The following GALNT14 variants were observed in gnomAD, a reference collection of about 807,000 sequenced individuals.
The protein encoded by GALNT14 is UDP-GalNAc:polypeptide N-acetylgalactosaminyltransferase 14.
In GALNT14, 60 loss-of-function variants were observed where a neutral mutation model predicts 77.5. The observed-to-expected ratio is 0.77, with a 90% CI of 0.63 to 0.96. The LOEUF is 0.96. Ranked by LOEUF, GALNT14 falls within the 40% of genes least tolerant of loss-of-function variation. The pLI, the probability that GALNT14 is intolerant of heterozygous loss-of-function variation, is 0.00. For synonymous variants in GALNT14, 280 were observed against 281.7 expected (o/e 0.99, Z 0.06); for missense variants, 710 against 731.0 (o/e 0.97, Z 0.33).
intron 1 of GALNT14, among the ~76,000 whole-genome samples, chr2:31,080,434 G>C (rs1253689274): frequency 1.3e-5 from 2 of 152,308 alleles, no homozygotes; most frequent in Admixed American, 1.3e-4. Flanking sequence ...TAACATCCCT[G>C]CTAGAACTAA....
In GALNT14 at chr2:30,924,257, G is replaced by A. The variant is rs777710867; in HGVS notation, c.1242C>T (p.Pro414=). 2.5e-5 allele frequency: 41 copies of A among 1,613,996 alleles called. No individual in the cohort carries two copies. Among genetic ancestry groups the A allele is most frequent in the Non-Finnish European group, 3.3e-5 (39 of 1,179,970 alleles). The change falls in exon 13 of 15, where the codon CCC becomes CCT. Residue 414 remains proline, a synonymous_variant. Coordinates refer to ENST00000349752, the MANE Select transcript of GALNT14 (RefSeq NM_024572.4). ...TGCCCTTCTGGATGGAGGACTCCTT[G>A]GGGATGCTGGAGGAGAGTCACAGGG... is the stretch of plus-strand genomic sequence containing the variant. ...LENIYPELSI[P]KESSIQKGNI...
At chr2:30,952,433 A>T (rs1201222729) in intron 6 of GALNT14, among the ~76,000 whole-genome samples, 1 of 151,660 alleles carries the variant, frequency 6.6e-6, no homozygotes, top group Non-Finnish European at 1.5e-5. Context: ...TGCAGCCATA[A>T]AAAATGATGA....
chr2:30,910,775 G>C lies in GALNT14; in HGVS notation c.*126C>G. ...GAGACAGTTGCTCCTGTCCTGGGGG[G>C]CTCTGCCTCCACCTCCCAGTCCAGG... On this transcript the variant is annotated 3_prime_UTR_variant, in exon 15 of 15. Transcript: ENST00000349752. 1.0e-6 allele frequency: 1 copy of C among 985,926 alleles called. No homozygotes were observed. Among genetic ancestry groups the C allele is most frequent in the Non-Finnish European group, 1.5e-6 (1 of 673,072 alleles). 61.1% of individuals were successfully genotyped at this position (985,926 alleles called of 1,614,324 possible). A position where few individuals can be genotyped will look rare whatever the true frequency, so the allele number is the denominator to read the frequency against.
chr2:31,108,633 C>T lies in GALNT14; in HGVS notation c.129+29325G>A, dbSNP rs549583978. ...TTTTCCAAAAGAATGAGGATAAAAA[C>T]AATCCTTTGATAAAATAATCCTTTG... On this transcript the variant is annotated intron_variant, in intron 1 of 14. Coordinates refer to ENST00000349752, the MANE Select transcript of GALNT14 (RefSeq NM_024572.4). 3.3e-5 allele frequency among the ~76,000 whole-genome samples: 5 copies of T among 152,342 alleles called. No individual in the cohort carries two copies. In the East Asian group the frequency reaches 9.6e-4, roughly 29 times the overall value.
chr2:31,076,825 A>G (rs897632299), intron 1 of GALNT14, among the ~76,000 whole-genome samples: 1 of 152,130 alleles, frequency 6.6e-6, no homozygotes, highest in Non-Finnish European at 1.5e-5. Context: ...CTGCTCTTGG[A>G]CAACAGGTGT....
intron 1 of GALNT14, among the ~76,000 whole-genome samples, chr2:31,085,539 C>T (rs971244155): frequency 6.6e-6 from 1 of 152,226 alleles, no homozygotes; most frequent in Admixed American, 6.5e-5. Context: ...CTGGCCTGGG[C>T]ACTGATGTGC....
intron 2 of GALNT14, among the ~76,000 whole-genome samples, chr2:30,979,914 C>T (rs769138246): frequency 1.2e-4 from 18 of 152,220 alleles, no homozygotes; most frequent in African/African-American, 3.6e-4. Context: ...TGCTGGCCCC[C>T]GGCTCTAAAT....
intron 1 of GALNT14, among the ~76,000 whole-genome samples, chr2:31,019,034 G>A (rs756239769): frequency 4.6e-5 from 7 of 150,908 alleles, no homozygotes; most frequent in Non-Finnish European, 8.9e-5. Flanking sequence ...GTGCTTTATT[G>A]GGCACCATCT....
At chr2:31,018,225 C>G (rs1671500541) in intron 1 of GALNT14, among the ~76,000 whole-genome samples, 1 of 152,282 alleles carries the variant, frequency 6.6e-6, no homozygotes, top group Non-Finnish European at 1.5e-5. Context: ...AAAGAGCCAG[C>G]TCCGAAGGAC....
intron 4 of GALNT14, among the ~76,000 whole-genome samples, chr2:30,956,545 C>T (rs1294665648): frequency 1.3e-5 from 2 of 152,180 alleles, no homozygotes; most frequent in Admixed American, 6.5e-5. Context: ...ATCTCGCTGT[C>T]GCCCAGGTTG....
intron 2 of GALNT14, among the ~76,000 whole-genome samples, chr2:30,990,413 A>C (rs552872500): frequency 9.8e-5 from 15 of 152,374 alleles, no homozygotes; most frequent in African/African-American, 3.6e-4. Flanking sequence ...TCACAGAAGG[A>C]TTAAGAGACA....
intron 4 of GALNT14, among the ~76,000 whole-genome samples, chr2:30,956,941 C>G (rs1156666881): frequency 2.6e-5 from 4 of 152,172 alleles, no homozygotes; most frequent in Admixed American, 2.6e-4. Context: ...TGGAAGGGTC[C>G]CACTCAGCAT....
At chr2:30,897,496 A>G in the GALNT14 span, among the ~76,000 whole-genome samples, 1 of 152,208 alleles carries the variant, frequency 6.6e-6, no homozygotes, top group African/African-American at 2.4e-5. Context: ...TCAGACCAGA[A>G]GTTTCTAACT....
intron 1 of GALNT14, among the ~76,000 whole-genome samples, chr2:31,014,142 C>T (rs1261939040): frequency 6.6e-6 from 1 of 152,180 alleles, no homozygotes. Flanking sequence ...GCCTATTTCA[C>T]AGGGTTTTAA....
intron 1 of GALNT14, among the ~76,000 whole-genome samples, chr2:31,091,994 C>A (rs1254378700): frequency 6.6e-6 from 1 of 152,138 alleles, no homozygotes; most frequent in Non-Finnish European, 1.5e-5. Context: ...CATGAGTCTT[C>A]CACCCTTCAT....
intron 1 of GALNT14, chr2:31,125,244 A>T: frequency 6.4e-7 from 1 of 1,550,468 alleles, no homozygotes; most frequent in Non-Finnish European, 8.7e-7. Context: ...TTGAAAAACA[A>T]GGACCAAACC....
At chr2:30,984,919 G>A (rs972204885) in intron 2 of GALNT14, among the ~76,000 whole-genome samples, 12 of 152,066 alleles carry the variant, frequency 7.9e-5, no homozygotes, top group Non-Finnish European at 1.0e-4. Context: ...GGAGCTGGGT[G>A]CCTGAACACT....
chr2:31,045,574 T>C (rs900805589), intron 1 of GALNT14, among the ~76,000 whole-genome samples: 10 of 152,192 alleles, frequency 6.6e-5, no homozygotes, highest in Non-Finnish European at 7.3e-5. Flanking sequence ...GCAATTCTCC[T>C]GCTTCAGCCT....
rs114391856 is a variant in GALNT14, at chr2:30,929,806, T to C, written c.1059-319A>G. On this transcript the variant is annotated intron_variant, in intron 10 of 14. Transcript: ENST00000349752. ...ATATTTGCATATACATAATGAGATA[T>C]CTTGGGGATGGGACTCACATCTAAT... is the stretch of plus-strand genomic sequence containing the variant. 4.7e-3 allele frequency among the ~76,000 whole-genome samples: 713 copies of C among 152,366 alleles called. 5 individuals are homozygous for C. The highest frequency in any genetic ancestry group is 0.016 in the African/African-American group (678 of 41,590).
Sources: gnomAD v4.1 joint callset for allele counts (sites outside exome capture counted in the v4.1 genomes callset) on GRCh38, gnomAD v4.1.1 for gene constraint, MANE v1.5 for transcripts, NCBI Gene and HGNC (gene_info 2026-07-23, HGNC 2026-07-21) for gene names.